The following TMEM131 variants were observed in gnomAD, a reference collection of about 807,000 sequenced individuals.
The protein encoded by TMEM131 is transmembrane protein 131.
TMEM131 carries 66 observed loss-of-function variants against 211.6 expected under a neutral mutation model. The observed-to-expected ratio is 0.31, with a 90% CI of 0.26 to 0.38. The LOEUF (loss-of-function observed/expected upper bound fraction) is 0.38, where lower values mean the gene tolerates loss of function less well. TMEM131 is among the 10% of genes least tolerant of loss of function. The probability of loss-of-function intolerance (pLI) is 1.00; values close to 1 mark genes in which losing one functional copy is unlikely to be tolerated. For synonymous variants in TMEM131, 844 were observed against 841.3 expected (o/e 1.00, Z -0.06); for missense variants, 2,036 against 2,299.3 (o/e 0.89, Z 2.34).
Position 97,815,185 on chromosome 2 carries a change from A to G in TMEM131, c.1292+14T>C, listed in dbSNP as rs375227054. The G allele has an allele frequency of 3.4e-4, 477 of 1,404,282 alleles. No homozygotes were observed. Among genetic ancestry groups the G allele is most frequent in the Non-Finnish European group, 4.5e-4 (468 of 1,042,310 alleles). The allele number at this position is 1,404,282 out of a possible 1,614,324, so 87.0% of individuals were successfully genotyped here. A position where few individuals can be genotyped will look rare whatever the true frequency, so the allele number is the denominator to read the frequency against. ...AGTAAAAAGTAATAGAATTTATTTT[A>G]AAAAGAAACTCACCCATCTAAAACT... On this transcript the variant is annotated intron_variant, in intron 13 of 40. Coordinates refer to ENST00000186436, the MANE Select transcript of TMEM131 (RefSeq NM_015348.2).
At chr2:97,823,449 C>A (rs1273191884) in intron 11 of TMEM131, among the ~76,000 whole-genome samples, 1 of 152,182 alleles carries the variant, frequency 6.6e-6, no homozygotes, top group African/African-American at 2.4e-5. Context: ...GGAGAGATGT[C>A]ATGCTATTGT....
chr2:97,990,895 G>A (rs1680234450), intron 1 of TMEM131, among the ~76,000 whole-genome samples: 1 of 152,056 alleles, frequency 6.6e-6, no homozygotes, highest in Non-Finnish European at 1.5e-5. Context: ...ATAGTACACT[G>A]GCAAAAAATT....
At chr2:97,761,017 G>C in intron 36 of TMEM131, 103 bp from the exon 37 acceptor site, 1 of 1,485,058 alleles carries the variant, frequency 6.7e-7, no homozygotes, top group Non-Finnish European at 9.2e-7. Flanking sequence ...CTTCTCTGCA[G>C]CGGGGCAGCT....
intron 33 of TMEM131, among the ~76,000 whole-genome samples, chr2:97,767,392 G>C (rs545907640): frequency 6.6e-6 from 1 of 152,296 alleles, no homozygotes; most frequent in Non-Finnish European, 1.5e-5. Context: ...GCCCATGGAA[G>C]ACAGCATTGT....
At chr2:97,944,676 GATAC>G (rs1394730998) in intron 1 of TMEM131, among the ~76,000 whole-genome samples, 1 of 152,076 alleles carries the variant, frequency 6.6e-6, no homozygotes, top group African/African-American at 2.4e-5. Context: ...TTTCTCCAAA[GATAC>G]ATAAACGGAC....
At chr2:97,970,988 A>T (rs1679273310) in intron 1 of TMEM131, among the ~76,000 whole-genome samples, 1 of 152,332 alleles carries the variant, frequency 6.6e-6, no homozygotes, top group South Asian at 2.1e-4. Flanking sequence ...AAGAATGATT[A>T]AAATTATTAT....
At chr2:97,802,313 G>A in intron 24 of TMEM131, 115 bp downstream of exon 24, 1 of 829,054 alleles carries the variant, frequency 1.2e-6, no homozygotes, top group Non-Finnish European at 1.8e-6. Context: ...TATAGATCCA[G>A]AACTTCTCGT....
chr2:97,822,384 G>A (rs937852256), intron 11 of TMEM131, among the ~76,000 whole-genome samples: 47 of 152,146 alleles, frequency 3.1e-4, no homozygotes, highest in African/African-American at 9.9e-4. Flanking sequence ...CACATGATGA[G>A]AAGTGAGGAT....
intron 5 of TMEM131, among the ~76,000 whole-genome samples, chr2:97,845,285 C>T (rs1683371472): frequency 6.6e-6 from 1 of 151,954 alleles, no homozygotes. Context: ...ATGAGGCTAT[C>T]ATACAGGAGT....
chr2:97,857,864 T>C (rs1186469943), intron 5 of TMEM131, among the ~76,000 whole-genome samples: 1 of 152,208 alleles, frequency 6.6e-6, no homozygotes, highest in Non-Finnish European at 1.5e-5. Context: ...TTGGAGGCTA[T>C]TATTAATAGC....
intron 11 of TMEM131, among the ~76,000 whole-genome samples, chr2:97,829,786 G>T (rs1388556254): frequency 1.3e-5 from 2 of 152,146 alleles, no homozygotes; most frequent in African/African-American, 4.8e-5. Flanking sequence ...ACCAACTCTG[G>T]ACACACAATG....
At chr2:97,852,952 A>G (rs10166513) in intron 5 of TMEM131, among the ~76,000 whole-genome samples, 41,557 of 152,196 alleles carry the variant, frequency 0.27, 6,230 homozygotes, top group Middle Eastern at 0.37. Context: ...GGCCTAGATA[A>G]CAGCACATCT....
chr2:97,931,822 A>C (rs1179518715), intron 1 of TMEM131, among the ~76,000 whole-genome samples: 1 of 152,210 alleles, frequency 6.6e-6, no homozygotes, highest in Non-Finnish European at 1.5e-5. Context: ...CACCTTGCCT[A>C]GCATGCTGTT....
chr2:97,950,823 CTT>C (rs971814115), intron 1 of TMEM131, among the ~76,000 whole-genome samples: 1 of 152,058 alleles, frequency 6.6e-6, no homozygotes, highest in Non-Finnish European at 1.5e-5. Context: ...CAGCCATCAA[CTT>C]GTAACCAAAG....
rs62154514 is a variant in TMEM131 at position 97,804,793 on chromosome 2, G to A, written c.2402+295C>T. On this transcript the variant is annotated intron_variant, in intron 22 of 40. Transcript: ENST00000186436. The stretch of plus-strand genomic sequence containing the variant: ...CTTTCTTTCCTATGCAAATGGATGA[G>A]TCTAAGGTGAATACTGTCGTCATCC... 9.5e-3 allele frequency among the ~76,000 whole-genome samples: 1,449 copies of A among 152,208 alleles called. 11 individuals are homozygous for A. Among genetic ancestry groups the A allele is most frequent in the Non-Finnish European group, 0.015 (1,040 of 68,024 alleles).
chr2:97,977,922 A>G (rs949214557), intron 1 of TMEM131, among the ~76,000 whole-genome samples: 1 of 152,068 alleles, frequency 6.6e-6, no homozygotes, highest in Non-Finnish European at 1.5e-5. Flanking sequence ...CCCCGTCTCT[A>G]TTAAAAATAC....
At chr2:97,876,022 G>A (rs575386494) in intron 4 of TMEM131, among the ~76,000 whole-genome samples, 36 of 152,106 alleles carry the variant, frequency 2.4e-4, no homozygotes, top group Admixed American at 5.2e-4. Context: ...TGATATAGGG[G>A]ATATCACCAC....
At chr2:97,806,562 C>G (rs1470845072) in intron 19 of TMEM131, among the ~76,000 whole-genome samples, 1 of 151,988 alleles carries the variant, frequency 6.6e-6, no homozygotes, top group African/African-American at 2.4e-5. Context: ...CAAACAAAAA[C>G]CCCAGCACAC....
chr2:97,939,011 T>C (rs866667226), intron 1 of TMEM131, among the ~76,000 whole-genome samples: 1 of 152,190 alleles, frequency 6.6e-6, no homozygotes, highest in Non-Finnish European at 1.5e-5. Context: ...CCAGAATCTC[T>C]GGGACACATT....
Sources: allele counts gnomAD v4.1 joint callset (sites outside exome capture counted in the v4.1 genomes callset), GRCh38; gene constraint gnomAD v4.1.1; transcripts MANE v1.5; gene names NCBI Gene and HGNC (gene_info 2026-07-23, HGNC 2026-07-21).